The following MPPED2 variants were observed in gnomAD, a reference collection of about 807,000 sequenced individuals.
MPPED2 encodes metallophosphoesterase domain containing 2.
A neutral mutation model predicts 33.0 loss-of-function variants in MPPED2; 5 were observed. The ratio of observed to expected loss-of-function variants is 0.15; its 90% CI spans 0.08 to 0.32. MPPED2 has a LOEUF of 0.32. Among genes scored for constraint, MPPED2 ranks in the 10% least tolerant of loss-of-function variants. MPPED2 has a pLI of 1.00. For synonymous variants in MPPED2, 136 were observed against 141.9 expected, an observed-to-expected ratio of 0.96 and a Z score of 0.29; for missense variants, 275 against 372.1, an observed-to-expected ratio of 0.74 and a Z score of 2.15.
intron 4 of MPPED2, among the ~76,000 whole-genome samples, chr11:30,421,241 C>G (rs777452048): frequency 6.6e-6 from 1 of 152,136 alleles, no homozygotes; most frequent in Non-Finnish European, 1.5e-5. Flanking sequence ...AGAATTTTCT[C>G]TTAAAACCCC....
chr11:30,386,938 C>T (rs895889970), exon 7 of MPPED2: 2 of 393,714 alleles, frequency 5.1e-6, no homozygotes, highest in East Asian at 3.6e-5. Context: ...ATATGCCTAA[C>T]GTTTACCACA....
rs527770672 is a variant in MPPED2, at chr11:30,505,535, C to T, written c.311-10014G>A. ...AAGAATCATAAGGTAGACTCTTCCA[C>T]TGTTTATTTTATCCAAACTTTCCTT... On this transcript the variant is annotated intron_variant, in intron 3 of 6. Transcript: ENST00000358117. Among the ~76,000 whole-genome samples, 5 of 152,330 alleles carry T rather than the reference C, an allele frequency of 3.3e-5. No homozygotes were observed. The South Asian group carries it at 1.0e-3, about 32-fold the overall frequency.
intron 5 of MPPED2, among the ~76,000 whole-genome samples, chr11:30,414,546 A>AT (rs11433178): frequency 0.18 from 26,642 of 148,616 alleles, 2,829 homozygotes; most frequent in Non-Finnish European, 0.25. Flanking sequence ...TTTGGTTTCC[A>AT]TTTTTTTTTC....
chr11:30,552,421 T>C (rs182219383), intron 2 of MPPED2, among the ~76,000 whole-genome samples: 54 of 152,348 alleles, frequency 3.5e-4, no homozygotes, highest in Admixed American at 2.9e-3. Flanking sequence ...AGAATATGTA[T>C]ATAAAAAGCA....
intron 2 of MPPED2, among the ~76,000 whole-genome samples, chr11:30,557,119 A>G (rs1412888480): frequency 1.3e-5 from 2 of 151,428 alleles, no homozygotes; most frequent in Non-Finnish European, 2.9e-5. Flanking sequence ...CAATTTTGTT[A>G]AACAGTGCTA....
At chr11:30,579,470 G>T (rs1957071741) in intron 2 of MPPED2, among the ~76,000 whole-genome samples, 1 of 152,168 alleles carries the variant, frequency 6.6e-6, no homozygotes. Flanking sequence ...GTGACCTTTT[G>T]CTCCCTTCTT....
rs1957462363 is a variant in MPPED2, at chr11:30,586,162, G to A, written c.-242C>T. 2 of 152,618 alleles carry A rather than the reference G, an allele frequency of 1.3e-5. No homozygotes were observed. Among genetic ancestry groups the A allele is most frequent in the Non-Finnish European group, 2.9e-5 (2 of 68,408 alleles). 9.5% of individuals were successfully genotyped at this position (152,618 alleles called of 1,614,324 possible). A position where few individuals can be genotyped will look rare whatever the true frequency, so the allele number is the denominator to read the frequency against. ...TGGGGGCGCGCGGGGGCGGCGAGGG[G>A]CGCGAGCGGGCCAGAACCTTCGACC... On this transcript the variant is annotated 5_prime_UTR_variant, in exon 1 of 7. Transcript: ENST00000358117. This position sits in a 1 kb window ranked among gnomAD's most constrained non-coding sequence, Gnocchi z 4.8.
intron 4 of MPPED2, among the ~76,000 whole-genome samples, chr11:30,457,555 C>G (rs574539098): frequency 2.0e-5 from 3 of 152,262 alleles, no homozygotes; most frequent in African/African-American, 7.2e-5. Context: ...CTGGTATTTA[C>G]TTGGTGCCCA....
intron 6 of MPPED2, among the ~76,000 whole-genome samples, chr11:30,396,249 C>A (rs146942223): frequency 4.1e-4 from 63 of 152,194 alleles, no homozygotes; most frequent in African/African-American, 1.4e-3. Context: ...GCAACTTGAC[C>A]CCTCAGAAGC....
At chr11:30,541,467 C>A (rs1955110860) in intron 2 of MPPED2, among the ~76,000 whole-genome samples, 1 of 152,122 alleles carries the variant, frequency 6.6e-6, no homozygotes, top group Admixed American at 6.5e-5. Context: ...TTTGTGTATA[C>A]AATCAACCTA....
intron 1 of MPPED2, among the ~76,000 whole-genome samples, chr11:30,583,895 T>A (rs1481150469): frequency 6.6e-6 from 1 of 152,180 alleles, no homozygotes; most frequent in Non-Finnish European, 1.5e-5. Flanking sequence ...ACTTGCCTGC[T>A]CCAAATCCGC....
chr11:30,488,888 T>C (rs529138372), intron 4 of MPPED2, among the ~76,000 whole-genome samples: 6 of 152,234 alleles, frequency 3.9e-5, no homozygotes, highest in African/African-American at 1.2e-4. Context: ...AAGACCTTTT[T>C]CTGTGCCAAC....
downstream of MPPED2, among the ~76,000 whole-genome samples, chr11:30,407,879 G>GTAAGTAAATAAATAAATAAA (rs1948014450): frequency 6.6e-6 from 1 of 151,794 alleles, no homozygotes; most frequent in African/African-American, 2.4e-5. Flanking sequence ...AAATAAATAA[G>GTAAGTAAATAAATAAATAAA]TAAATAAATA....
intron 4 of MPPED2, among the ~76,000 whole-genome samples, chr11:30,430,830 A>G (rs894806441): frequency 4.6e-5 from 7 of 152,218 alleles, no homozygotes; most frequent in African/African-American, 1.7e-4. Flanking sequence ...TTGCTTGAGA[A>G]AAACCAGCCC....
At chr11:30,558,727 T>A (rs1565183323) in intron 2 of MPPED2, among the ~76,000 whole-genome samples, 2 of 151,998 alleles carry the variant, frequency 1.3e-5, no homozygotes, top group Non-Finnish European at 2.9e-5. Context: ...CAGCCCTTCC[T>A]TCTTTTCTTC....
chr11:30,419,825 A>G (rs1948533659), intron 4 of MPPED2, among the ~76,000 whole-genome samples: 2 of 152,172 alleles, frequency 1.3e-5, no homozygotes, highest in South Asian at 4.2e-4. Context: ...TGCTTGAGAA[A>G]CCACCACAAA....
At chr11:30,397,062 G>A (rs1377882329) in intron 6 of MPPED2, among the ~76,000 whole-genome samples, 2 of 151,990 alleles carry the variant, frequency 1.3e-5, no homozygotes, top group Non-Finnish European at 2.9e-5. Context: ...TTCAGTTTTA[G>A]TGCTTTGTAT....
At chr11:30,487,920 G>A (rs372489741) in intron 4 of MPPED2, among the ~76,000 whole-genome samples, 2 of 151,760 alleles carry the variant, frequency 1.3e-5, no homozygotes, top group African/African-American at 2.4e-5. Context: ...CACCCTTTTT[G>A]CAACTAGATG....
intron 2 of MPPED2, among the ~76,000 whole-genome samples, chr11:30,561,532 G>C (rs1228546890): frequency 6.6e-6 from 1 of 152,142 alleles, no homozygotes; most frequent in East Asian, 1.9e-4. Context: ...CTCAATGCTG[G>C]CAAATAAACC....
Sources: allele counts gnomAD v4.1 joint callset (sites outside exome capture counted in the v4.1 genomes callset), GRCh38; gene constraint gnomAD v4.1.1; non-coding constraint Gnocchi (gnomAD v3.1); transcripts MANE v1.5; gene names NCBI Gene and HGNC (gene_info 2026-07-23, HGNC 2026-07-21).